DENND5B: variants seen among roughly 807,000 people sequenced by gnomAD.
DENND5B encodes the protein DENN domain containing 5B.
In DENND5B, 34 loss-of-function variants were observed where a neutral mutation model predicts 140.6. That is an observed-to-expected ratio of 0.24 (90% CI 0.18 to 0.32). The LOEUF is 0.32. Among genes scored for constraint, DENND5B ranks in the 10% least tolerant of loss-of-function variants. DENND5B has a pLI of 1.00. For synonymous variants in DENND5B, 551 were observed against 562.1 expected (o/e 0.98, Z 0.28); for missense variants, 1,142 against 1,560.2 (o/e 0.73, Z 4.52).
chr12:31,580,793 T>C (rs1184397062), intron 1 of DENND5B, among the ~76,000 whole-genome samples: 3 of 152,012 alleles, frequency 2.0e-5, no homozygotes, highest in African/African-American at 7.2e-5. Context: ...CCGCGCCTGG[T>C]CCATTTTAGA....
intron 1 of DENND5B, among the ~76,000 whole-genome samples, chr12:31,547,768 C>A (rs1225764672): frequency 6.6e-6 from 1 of 151,740 alleles, no homozygotes. Flanking sequence ...TGCAATGGTG[C>A]GATCTTGGTT....
chr12:31,396,056 G>GTTTTTTTTTTT (rs34089984), intron 17 of DENND5B, among the ~76,000 whole-genome samples: 5 of 112,226 alleles, frequency 4.5e-5, no homozygotes, highest in East Asian at 5.6e-4. Flanking sequence ...GGCATTCCTT[G>GTTTTTTTTTTT]TTTTTTTTTT....
At chr12:31,428,478 T>C (rs541446894) in intron 8 of DENND5B, among the ~76,000 whole-genome samples, 1 of 151,942 alleles carries the variant, frequency 6.6e-6, no homozygotes, top group East Asian at 2.0e-4. Flanking sequence ...CTCAACTAAC[T>C]GCTACCTCTG....
intron 1 of DENND5B, among the ~76,000 whole-genome samples, chr12:31,560,331 G>C (rs1445131918): frequency 6.6e-6 from 1 of 152,132 alleles, no homozygotes; most frequent in Non-Finnish European, 1.5e-5. Context: ...AAAACCTTTA[G>C]AGTCATCTTT....
intron 3 of DENND5B, among the ~76,000 whole-genome samples, chr12:31,469,995 C>T (rs141362696): frequency 1.2e-3 from 180 of 152,072 alleles, no homozygotes; most frequent in African/African-American, 4.0e-3. Flanking sequence ...TGTCACGAGG[C>T]TGTAGTGCAG....
At chr12:31,504,327 A>G (rs1367413291) in intron 1 of DENND5B, among the ~76,000 whole-genome samples, 5 of 152,198 alleles carry the variant, frequency 3.3e-5, no homozygotes, top group Non-Finnish European at 5.9e-5. Context: ...ATATAGCACA[A>G]AAGTTCTGCT....
intron 1 of DENND5B, among the ~76,000 whole-genome samples, chr12:31,573,160 CT>C (rs1396869086): frequency 3.3e-5 from 5 of 152,174 alleles, no homozygotes; most frequent in African/African-American, 9.7e-5. Flanking sequence ...TGAAAGAAAA[CT>C]GTATCTCATT....
At chr12:31,469,433 G>A (rs1945440171) in intron 3 of DENND5B, among the ~76,000 whole-genome samples, 1 of 151,956 alleles carries the variant, frequency 6.6e-6, no homozygotes, top group African/African-American at 2.4e-5. Context: ...GGAAAGCATA[G>A]CAGTTCTGCA....
intron 1 of DENND5B, among the ~76,000 whole-genome samples, chr12:31,564,924 T>C (rs1300535345): frequency 6.6e-6 from 1 of 152,116 alleles, no homozygotes; most frequent in African/African-American, 2.4e-5. Flanking sequence ...GCAGATTGTA[T>C]TATTTCCTTC....
intron 14 of DENND5B, among the ~76,000 whole-genome samples, chr12:31,404,599 G>A (rs1034180934): frequency 1.3e-5 from 2 of 151,192 alleles, no homozygotes; most frequent in East Asian, 2.0e-4. Context: ...GATTACAGGC[G>A]TCTGCCACCT....
intron 9 of DENND5B, among the ~76,000 whole-genome samples, chr12:31,425,185 G>A (rs991542472): frequency 3.9e-5 from 6 of 152,164 alleles, no homozygotes; most frequent in Non-Finnish European, 5.9e-5. Context: ...AGTGGCACAC[G>A]CCTGTAATCC....
intron 1 of DENND5B, among the ~76,000 whole-genome samples, chr12:31,517,229 C>T (rs1283809981): frequency 3.9e-5 from 6 of 152,252 alleles, no homozygotes; most frequent in Admixed American, 2.6e-4. Context: ...AACTACCCCA[C>T]TACAACCCAC....
At chr12:31,413,942 T>G (rs1942595612) in intron 12 of DENND5B, among the ~76,000 whole-genome samples, 1 of 152,236 alleles carries the variant, frequency 6.6e-6, no homozygotes, top group Admixed American at 6.5e-5. Context: ...TCAAAATAAC[T>G]GTTCTATAGC....
At chr12:31,451,833 A>G (rs568667468) in intron 5 of DENND5B, 107 bp downstream of exon 5, 19 of 1,335,838 alleles carry the variant, frequency 1.4e-5, no homozygotes, top group Admixed American at 1.1e-4. Context: ...AACAAAATCA[A>G]TAATATATGG....
intron 1 of DENND5B, among the ~76,000 whole-genome samples, chr12:31,528,228 C>T (rs888504701): frequency 6.6e-6 from 1 of 152,198 alleles, no homozygotes; most frequent in Non-Finnish European, 1.5e-5. Flanking sequence ...GGGGAAAATT[C>T]ATTTCTTGTT....
chr12:31,407,123 A>C (rs186111446), intron 14 of DENND5B, among the ~76,000 whole-genome samples: 1 of 149,406 alleles, frequency 6.7e-6, no homozygotes, highest in Non-Finnish European at 1.5e-5. Context: ...TAAATTAATT[A>C]ATTAATTTAT....
chr12:31,559,370 G>C (rs1384397769), intron 1 of DENND5B, among the ~76,000 whole-genome samples: 2 of 152,258 alleles, frequency 1.3e-5, no homozygotes, highest in East Asian at 3.9e-4. Flanking sequence ...CTAATTCAAA[G>C]TATTGGCAAG....
intron 1 of DENND5B, among the ~76,000 whole-genome samples, chr12:31,557,068 T>C (rs1311418102): frequency 6.6e-6 from 1 of 152,224 alleles, no homozygotes; most frequent in Non-Finnish European, 1.5e-5. Context: ...CTAGATAATG[T>C]AGATATAAAA....
At chr12:31,501,066 C>A (rs1244706558) in intron 1 of DENND5B, among the ~76,000 whole-genome samples, 2 of 152,208 alleles carry the variant, frequency 1.3e-5, no homozygotes, top group East Asian at 3.9e-4. Flanking sequence ...GGATGGGATA[C>A]CTCAACAGAA....
Sources: allele counts gnomAD v4.1 joint callset (sites outside exome capture counted in the v4.1 genomes callset), GRCh38; gene constraint gnomAD v4.1.1; transcripts MANE v1.5; gene names NCBI Gene and HGNC (gene_info 2026-07-23, HGNC 2026-07-21).